CERS3: variants seen among roughly 807,000 people sequenced by gnomAD.
CERS3 encodes LAG1 homolog, ceramide synthase 3.
CERS3 carries 33 observed loss-of-function variants against 50.3 expected under a neutral mutation model. The observed-to-expected ratio is 0.66, with a 90% CI of 0.50 to 0.88. The LOEUF (loss-of-function observed/expected upper bound fraction) is 0.88, where lower values mean the gene tolerates loss of function less well. CERS3 is among the 40% of genes least tolerant of loss of function. The probability of loss-of-function intolerance (pLI) is 0.00; values close to 1 mark genes in which losing one functional copy is unlikely to be tolerated. For missense variants in CERS3, 470 were observed against 460.3 expected (o/e 1.02, Z -0.19); for synonymous variants, 176 against 155.2 (o/e 1.13, Z -0.99).
chr15:100,421,440 A>C (rs967870031), intron 11 of CERS3, among the ~76,000 whole-genome samples: 3 of 152,130 alleles, frequency 2.0e-5, no homozygotes, highest in East Asian at 1.9e-4. Context: ...AAGAGGATAC[A>C]AACAAATGGA....
At chr15:100,535,525 G>A (rs545953536) in intron 1 of CERS3, among the ~76,000 whole-genome samples, 4 of 152,292 alleles carry the variant, frequency 2.6e-5, no homozygotes, top group South Asian at 2.1e-4. Context: ...ATATGTGCAC[G>A]GGAAGTGGGG....
At chr15:100,488,862 C>T (rs1391430224) in intron 4 of CERS3, among the ~76,000 whole-genome samples, 1 of 151,958 alleles carries the variant, frequency 6.6e-6, no homozygotes, top group African/African-American at 2.4e-5. Context: ...CTGCAACCTC[C>T]AACTCCCTGG....
intron 9 of CERS3, among the ~76,000 whole-genome samples, chr15:100,471,995 T>C (rs1284312575): frequency 6.6e-6 from 1 of 152,156 alleles, no homozygotes; most frequent in East Asian, 1.9e-4. Flanking sequence ...GTGACAGAGA[T>C]CATACGCAGC....
intron 1 of CERS3, among the ~76,000 whole-genome samples, chr15:100,541,675 T>A (rs1351646561): frequency 6.6e-6 from 1 of 152,224 alleles, no homozygotes. Context: ...TATTCACTTA[T>A]CTTTGTTCAG....
At chr15:100,403,922 G>A (rs1204138502) in intron 11 of CERS3, among the ~76,000 whole-genome samples, 1 of 152,148 alleles carries the variant, frequency 6.6e-6, no homozygotes, top group Non-Finnish European at 1.5e-5. Context: ...TAAAGTTTTT[G>A]CAGATGTGAT....
In CERS3 at chr15:100,534,694, A is replaced by G. The variant is rs1225476871; in HGVS notation, c.-354-5619T>C. On this transcript the variant is annotated intron_variant, in intron 1 of 12. Coordinates refer to the CERS3 transcript ENST00000284382. ...ACTCAAATTGCTTAGGGCAAACCCT[A>G]AGCAATTTCCAGTTTCTTTTTCCCT... Among the ~76,000 whole-genome samples, 3 of 150,984 alleles carry G rather than the reference A, an allele frequency of 2.0e-5. No individual in the cohort carries two copies. The South Asian group carries it at 6.3e-4, about 32-fold the overall frequency.
At chr15:100,494,671 A>T (rs1355884002) in intron 3 of CERS3, among the ~76,000 whole-genome samples, 1 of 152,202 alleles carries the variant, frequency 6.6e-6, no homozygotes, top group Non-Finnish European at 1.5e-5. Context: ...TAAGTCTCTC[A>T]GTCTTTCCTG....
At chr15:100,512,065 G>A (rs2174165) in intron 2 of CERS3, among the ~76,000 whole-genome samples, 162 of 2,810 alleles carry the variant, frequency 0.058, 40 homozygotes, top group Non-Finnish European at 0.18. Flanking sequence ...GAGGAGCATC[G>A]TAAGTCCACT....
upstream of CERS3, chr15:100,529,246 C>T (rs1284103499): frequency 1.3e-5 from 2 of 152,174 alleles, no homozygotes; most frequent in Non-Finnish European, 2.9e-5. Context: ...CCCAAAACAC[C>T]AGTCACAACC....
At chr15:100,464,451 C>G (rs540295308) in intron 10 of CERS3, among the ~76,000 whole-genome samples, 19 of 152,312 alleles carry the variant, frequency 1.2e-4, no homozygotes, top group African/African-American at 2.6e-4. Context: ...CCCCTGCACA[C>G]TCAGCTGTGA....
At chr15:100,434,500 C>T (rs2033298827) in intron 11 of CERS3, among the ~76,000 whole-genome samples, 1 of 152,096 alleles carries the variant, frequency 6.6e-6, no homozygotes. Flanking sequence ...TTTCTTTTAC[C>T]CACATCTACA....
At chr15:100,541,090 C>G (rs2037191213) in intron 1 of CERS3, among the ~76,000 whole-genome samples, 1 of 152,222 alleles carries the variant, frequency 6.6e-6, no homozygotes, top group South Asian at 2.1e-4. Flanking sequence ...TGAATGCCAG[C>G]AGACATTCAC....
At chr15:100,455,133 T>C (rs2034318987) in intron 11 of CERS3, among the ~76,000 whole-genome samples, 1 of 152,172 alleles carries the variant, frequency 6.6e-6, no homozygotes, top group African/African-American at 2.4e-5. Context: ...TCTTATACAC[T>C]GTTTGTGGGA....
chr15:100,471,572 A>C (rs1189952976), intron 9 of CERS3, among the ~76,000 whole-genome samples: 2 of 152,030 alleles, frequency 1.3e-5, no homozygotes, highest in East Asian at 3.9e-4. Flanking sequence ...AGTCGGGGCC[A>C]GTGTGGTCTT....
chr15:100,451,238 GAAC>G (rs2034152359), intron 11 of CERS3, among the ~76,000 whole-genome samples: 1 of 151,556 alleles, frequency 6.6e-6, no homozygotes, highest in African/African-American at 2.4e-5. Flanking sequence ...AGGATATACA[GAAC>G]AACTAGAAAT....
In CERS3 at chr15:100,401,050, T is replaced by C. The variant is rs1487515623; in HGVS notation, c.*1663A>G. On this transcript the variant is annotated 3_prime_UTR_variant, in exon 12 of 12. Transcript: ENST00000679737. ...TTGTTTAGCCTTAAGGTTTCAAATGTATATTTTTATTTAAAAATAACAATA... is the reference window on the plus strand; with the variant it reads ...TTGTTTAGCCTTAAGGTTTCAAATGCATATTTTTATTTAAAAATAACAATA... 1 of 152,208 alleles carries C rather than the reference T, an allele frequency of 6.6e-6. No individual in the cohort carries two copies. Among genetic ancestry groups the C allele is most frequent in the Non-Finnish European group, 1.5e-5 (1 of 68,032 alleles). The allele number at this position is 152,208 out of a possible 1,614,324, so 9.4% of individuals were successfully genotyped here.
chr15:100,490,993 A>C (rs1422755317), intron 3 of CERS3, 62 bp from the exon 4 acceptor site: 2 of 982,348 alleles, frequency 2.0e-6, no homozygotes, highest in Non-Finnish European at 3.1e-6. Context: ...ATGACACCAG[A>C]AAATTAAAGC....
intron 5 of CERS3, among the ~76,000 whole-genome samples, chr15:100,482,423 C>T (rs1000153963): frequency 8.6e-5 from 13 of 151,960 alleles, no homozygotes; most frequent in Non-Finnish European, 1.9e-4. Context: ...TAGAGTGGGC[C>T]GTGGACTGCA....
intron 11 of CERS3, among the ~76,000 whole-genome samples, chr15:100,416,133 T>G (rs1280625063): frequency 8.3e-6 from 1 of 120,922 alleles, no homozygotes; most frequent in Non-Finnish European, 1.8e-5. Flanking sequence ...ATTAGAAAAA[T>G]TATAAAATTC....
Sources: gnomAD v4.1 joint callset for allele counts (sites outside exome capture counted in the v4.1 genomes callset) on GRCh38, gnomAD v4.1.1 for gene constraint, MANE v1.5 for transcripts, NCBI Gene and HGNC (gene_info 2026-07-23, HGNC 2026-07-21) for gene names.